The following GALC variants were observed in gnomAD, a reference collection of about 807,000 sequenced individuals.
GALC encodes galactosylceramidase, also known as galactocerebrosidase.
A neutral mutation model predicts 91.8 loss-of-function variants in GALC; 77 were observed. The ratio of observed to expected loss-of-function variants is 0.84; its 90% CI spans 0.70 to 1.01. The LOEUF (loss-of-function observed/expected upper bound fraction) is 1.01, where lower values mean the gene tolerates loss of function less well. GALC is among the 50% of genes least tolerant of loss of function. The pLI, the probability that GALC is intolerant of heterozygous loss-of-function variation, is 0.00. For missense variants in GALC, 882 were observed against 855.9 expected (o/e 1.03, Z -0.38); for synonymous variants, 357 against 306.7 (o/e 1.16, Z -1.71).
intron 3 of GALC, 144 bp from the exon 4 acceptor site, chr14:87,986,746 T>A: frequency 2.9e-6 from 2 of 684,532 alleles, no homozygotes; most frequent in Non-Finnish European, 5.3e-6. Context: ...AATCATAATC[T>A]TACACAACTA....
chr14:87,970,971 TA>T, intron 7 of GALC, among the ~76,000 whole-genome samples: 1 of 151,348 alleles, frequency 6.6e-6, no homozygotes, highest in Admixed American at 6.6e-5. Flanking sequence ...CAAACTTCAA[TA>T]ACAGACAAAA....
At position 87,984,419 on chromosome 14, in the gene GALC, T is replaced by C. The variant is rs550875261; in HGVS notation, c.557A>G (p.His186Arg). 2 of 1,613,978 alleles carry C rather than the reference T, an allele frequency of 1.2e-6. No homozygotes were observed. The highest frequency in any genetic ancestry group is 1.3e-5 in the African/African-American group (1 of 75,040). Residue 186 changes from histidine to arginine, a missense_variant, in exon 5 of 17, where the codon CAT becomes CGT. By Grantham distance (29) the His-to-Arg change is conservative. Transcript: ENST00000261304. ...VTWIVGAKRY[H>R]DLDIDYIGIW... Reference sequence around the variant, plus strand: ...TCCAATATAATCAATGTCCAAATCATGGTAACGCTTGGCGCCCACAATCCA... The same window carrying C: ...TCCAATATAATCAATGTCCAAATCACGGTAACGCTTGGCGCCCACAATCCA...
chr14:87,955,045 C>T (rs1014589009), intron 10 of GALC: 1 of 1,347,998 alleles, frequency 7.4e-7, no homozygotes, highest in Non-Finnish European at 1.1e-6. Flanking sequence ...CATGGCAGAC[C>T]TGTTACACTC....
At chr14:87,974,292 T>C (rs56289888) in intron 7 of GALC, among the ~76,000 whole-genome samples, 17,208 of 152,116 alleles carry the variant, frequency 0.11, 1,147 homozygotes, top group Non-Finnish European at 0.16. Flanking sequence ...AAAGAAAGCA[T>C]AGATCTCTTA....
chr14:87,984,075 T>C (rs898375797), intron 5 of GALC, among the ~76,000 whole-genome samples: 7 of 149,478 alleles, frequency 4.7e-5, no homozygotes, highest in Non-Finnish European at 1.0e-4. Flanking sequence ...AACACAACAC[T>C]GTTGTAGGAA....
chr14:87,938,334 G>C (rs1040751297), intron 16 of GALC, among the ~76,000 whole-genome samples: 1 of 152,012 alleles, frequency 6.6e-6, no homozygotes, highest in Non-Finnish European at 1.5e-5. Context: ...AGGAGTTAGA[G>C]AGTGAGATGG....
At chr14:87,945,211 G>A (rs1391499607) in intron 14 of GALC, among the ~76,000 whole-genome samples, 1 of 151,770 alleles carries the variant, frequency 6.6e-6, no homozygotes, top group Admixed American at 6.6e-5. Flanking sequence ...CAACTCTCCA[G>A]CAAAACAAAA....
intron 10 of GALC, among the ~76,000 whole-genome samples, chr14:87,960,670 C>T (rs906096026): frequency 2.6e-5 from 4 of 151,964 alleles, no homozygotes; most frequent in Non-Finnish European, 5.9e-5. Flanking sequence ...AGAAATAAAC[C>T]CTCAAATTTA....
rs1884427719 is a variant in GALC at position 87,933,076 on chromosome 14, T to C, written c.*1656A>G. The C allele has an allele frequency of 6.6e-6, 1 of 152,138 alleles. No individual in the cohort carries two copies. Among genetic ancestry groups the C allele is most frequent in the African/African-American group, 2.4e-5 (1 of 41,434 alleles). 9.4% of individuals were successfully genotyped at this position (152,138 alleles called of 1,614,324 possible). ...CTGGTGGGGAGGAAACAAATTGTGG[T>C]ATATTCATACAATGGAAAACTCTTC... On this transcript the variant is annotated 3_prime_UTR_variant, in exon 17 of 17. Coordinates refer to ENST00000261304, the MANE Select transcript of GALC (RefSeq NM_000153.4).
Position 87,941,536 on chromosome 14 carries a change from C to G in GALC, c.1693G>C (p.Asp565His). The part of the protein sequence containing the change: ...YNWTNLTIKC[D>H]VYIETPDTGG... ...GTGTCAGGGGTCTCTATGTATACAT[C>G]ACACTTTATAGTCAGATTGGTCCTG... The change falls in exon 15 of 17, where the codon GAT becomes CAT. Residue 565 changes from aspartate to histidine, a missense_variant. Transcript: ENST00000261304. 2 of 1,583,758 alleles carry G rather than the reference C, an allele frequency of 1.3e-6. No homozygotes were observed. Among genetic ancestry groups the G allele is most frequent in the Non-Finnish European group, 1.7e-6 (2 of 1,152,848 alleles).
intron 1 of GALC, among the ~76,000 whole-genome samples, chr14:87,991,244 C>T (rs978715051): frequency 6.6e-6 from 1 of 152,108 alleles, no homozygotes; most frequent in Non-Finnish European, 1.5e-5. Flanking sequence ...ACTCTGTCGC[C>T]CAGGCTGGAG....
chr14:87,953,728 G>A, intron 10 of GALC: 4 of 1,607,406 alleles, frequency 2.5e-6, no homozygotes, highest in Non-Finnish European at 3.4e-6. Context: ...AGATTCTGTT[G>A]TAGAAATGGA....
intron 10 of GALC, among the ~76,000 whole-genome samples, chr14:87,957,888 C>G (rs1885624826): frequency 6.6e-6 from 1 of 152,116 alleles, no homozygotes; most frequent in Non-Finnish European, 1.5e-5. Flanking sequence ...ACATCCCATG[C>G]TCATGGATTG....
chr14:87,942,711 C>T (rs1595191212), intron 14 of GALC, among the ~76,000 whole-genome samples: 1 of 151,944 alleles, frequency 6.6e-6, no homozygotes, highest in Admixed American at 6.6e-5. Flanking sequence ...GTGAATTTTG[C>T]ACAGTGAAAT....
chr14:87,988,796 T>C (rs1446898940), intron 1 of GALC, among the ~76,000 whole-genome samples: 2 of 152,328 alleles, frequency 1.3e-5, no homozygotes, highest in Admixed American at 1.3e-4. Context: ...CACAAACTTA[T>C]CTTGAAACTC....
In GALC at chr14:87,947,715, G is replaced by C; in HGVS notation, c.1489+13C>G. The C allele has an allele frequency of 6.2e-7, 1 of 1,611,140 alleles. No homozygotes were observed. On this transcript the variant is annotated intron_variant, in intron 13 of 16. Coordinates refer to ENST00000261304, the MANE Select transcript of GALC (RefSeq NM_000153.4). ...TATAGAGACCAAGTTAAGTTTTAGT[G>C]AAAAATACTCACCAACATTGAAATC...
intron 10 of GALC, among the ~76,000 whole-genome samples, chr14:87,961,405 T>C (rs1885794993): frequency 6.6e-6 from 1 of 152,114 alleles, no homozygotes; most frequent in African/African-American, 2.4e-5. Flanking sequence ...ATTTGGTAGT[T>C]CCTCAAAATC....
chr14:87,934,787 G>C lies in GALC; in HGVS notation c.2003C>G (p.Thr668Ser), dbSNP rs759515663. 7.4e-6 allele frequency: 12 copies of C among 1,612,872 alleles called. 1 individual carries two copies. The Admixed American group carries it at 8.4e-5, about 11-fold the overall frequency. ...AAACTGTGCAAATTCAAAGGAGTGA[G>C]TTCCAATTGCAGCCCAGCCATTCTT... ...FPKNGWAAIG[T>S]HSFEFAQFDN... The change falls in exon 17 of 17, where the codon ACT becomes AGT. Residue 668 changes from threonine (T) to serine (S), a missense_variant. Thr to Ser is a moderately conservative substitution (Grantham distance 58, BLOSUM62 1). Transcript: ENST00000261304.
intron 10 of GALC, among the ~76,000 whole-genome samples, chr14:87,955,830 A>G (rs1401475519): frequency 6.6e-6 from 1 of 152,020 alleles, no homozygotes; most frequent in Non-Finnish European, 1.5e-5. Context: ...CTGTTCTCTC[A>G]CTGTGATTGT....
Sources: allele counts gnomAD v4.1 joint callset (sites outside exome capture counted in the v4.1 genomes callset), GRCh38; gene constraint gnomAD v4.1.1; transcripts MANE v1.5; gene names NCBI Gene and HGNC (gene_info 2026-07-23, HGNC 2026-07-21).